The following LSM14A variants were observed in gnomAD, a reference collection of about 807,000 sequenced individuals.
LSM14A encodes LSM14A mRNA processing body assembly factor, also known as protein LSM14 homolog A.
LSM14A carries 14 observed loss-of-function variants against 52.4 expected under a neutral mutation model. The ratio of observed to expected loss-of-function variants is 0.27; its 90% CI spans 0.18 to 0.42. The LOEUF (loss-of-function observed/expected upper bound fraction) is 0.42. LSM14A is among the 10% of genes least tolerant of loss of function. LSM14A has a pLI of 1.00. For missense variants in LSM14A, 417 were observed against 581.8 expected (o/e 0.72, Z 2.91); for synonymous variants, 185 against 200.3 (o/e 0.92, Z 0.64).
At position 34,227,702 on chromosome 19, in the gene LSM14A, GTTT is replaced by G; in HGVS notation, c.*324_*326del. On this transcript the variant is annotated 3_prime_UTR_variant, in exon 10 of 10. Coordinates refer to ENST00000544216, the MANE Select transcript of LSM14A (RefSeq NM_015578.4). ...ACAAGTATTTTTTCATCACTGAAAG[GTTT>G]TTTTTTTTTATCACTAAATTGTATT... 8.8e-6 allele frequency: 2 copies of G among 226,860 alleles called. No individual in the cohort carries two copies. Among genetic ancestry groups the G allele is most frequent in the Non-Finnish European group, 1.7e-5 (2 of 120,176 alleles). 14.1% of individuals were successfully genotyped at this position (226,860 alleles called of 1,614,324 possible).
At chr19:34,181,596 T>C (rs1313544792) in intron 1 of LSM14A, among the ~76,000 whole-genome samples, 1 of 152,164 alleles carries the variant, frequency 6.6e-6, no homozygotes, top group Admixed American at 6.5e-5. Flanking sequence ...GCCATTTTTT[T>C]CCTCATATCT....
rs1482324176 is a variant in LSM14A, at chr19:34,221,714, G to A, written c.1344G>A (p.Arg448=). The change falls in exon 9 of 10, where the codon CGG becomes CGA. Residue 448 remains arginine, a synonymous_variant. Coordinates refer to ENST00000544216, the MANE Select transcript of LSM14A (RefSeq NM_015578.4). ...GATTCAGAGGAGGTCGTGGGGGCCG[G>A]GAGTTTGCGGATTTTGAATATAGGG... ...RGGFRGGRGG[R]EFADFEYRKD... The A allele has an allele frequency of 6.2e-7, 1 of 1,613,172 alleles. No homozygotes were observed. The highest frequency in any genetic ancestry group is 1.1e-5 in the South Asian group (1 of 91,058).
At chr19:34,181,201 T>C (rs1189201080) in intron 1 of LSM14A, among the ~76,000 whole-genome samples, 1 of 152,222 alleles carries the variant, frequency 6.6e-6, no homozygotes, top group African/African-American at 2.4e-5. Context: ...AGCAGTTCTC[T>C]ACTCTCCTCA....
In LSM14A at chr19:34,215,221, T is replaced by C. The variant is rs2072485544; in HGVS notation, c.636T>C (p.Val212=). 6.2e-6 allele frequency: 10 copies of C among 1,614,064 alleles called. No individual in the cohort carries two copies. The highest frequency in any genetic ancestry group is 8.5e-6 in the Non-Finnish European group (10 of 1,180,032). Residue 212 remains valine, a synonymous_variant, in exon 5 of 10, where the codon GTT becomes GTC. Coordinates refer to ENST00000544216, the MANE Select transcript of LSM14A (RefSeq NM_015578.4). ...ASAHLPAPAA[V]GRRSPVSTRP... Reference sequence around the variant, plus strand: ...CCCACTTACCTGCTCCAGCAGCTGTTGGGAGAAGGAGTCCTGTATCAACCA... The same window carrying C: ...CCCACTTACCTGCTCCAGCAGCTGTCGGGAGAAGGAGTCCTGTATCAACCA...
chr19:34,191,109 A>G (rs2070348402), intron 1 of LSM14A, among the ~76,000 whole-genome samples: 1 of 151,920 alleles, frequency 6.6e-6, no homozygotes, highest in Middle Eastern at 3.4e-3. Flanking sequence ...CCTTTTCTCA[A>G]AATTATTCTC....
chr19:34,202,126 GTT>G (rs113903997), intron 3 of LSM14A, among the ~76,000 whole-genome samples: 37 of 119,550 alleles, frequency 3.1e-4, no homozygotes, highest in African/African-American at 8.2e-4. Flanking sequence ...TTTTTAGTAA[GTT>G]TTTTTTTTTT....
At chr19:34,226,423 G>A in intron 9 of LSM14A, 1 of 1,387,852 alleles carries the variant, frequency 7.2e-7, no homozygotes, top group Non-Finnish European at 9.5e-7. Flanking sequence ...CACAGCTTTT[G>A]GACCCTAAAA....
chr19:34,206,185 G>A (rs2071683135), intron 3 of LSM14A, among the ~76,000 whole-genome samples: 1 of 152,144 alleles, frequency 6.6e-6, no homozygotes. Context: ...ATTTAGGGAA[G>A]AAATAATTTT....
In LSM14A at chr19:34,194,461, C is replaced by T. The variant is rs1477428825; in HGVS notation, c.122-17C>T. The T allele has an allele frequency of 1.2e-6, 2 of 1,612,802 alleles. No individual in the cohort carries two copies. Among genetic ancestry groups the T allele is most frequent in the South Asian group, 1.1e-5 (1 of 91,004 alleles). ...GATGAGTAGTCACACATCTCATATCCTTTGTTTTCTTGCCAGTTCGATCCT... is the reference window on the plus strand; with the variant it reads ...GATGAGTAGTCACACATCTCATATCTTTTGTTTTCTTGCCAGTTCGATCCT... On this transcript the variant is annotated splice_polypyrimidine_tract_variant and intron_variant, in intron 1 of 9. Coordinates refer to ENST00000544216, the MANE Select transcript of LSM14A (RefSeq NM_015578.4).
intron 1 of LSM14A, among the ~76,000 whole-genome samples, chr19:34,183,538 G>A (rs763227308): frequency 5.3e-5 from 8 of 151,750 alleles, no homozygotes; most frequent in African/African-American, 1.2e-4. Context: ...GTGACAGAGC[G>A]AGTTCGTCTC....
At chr19:34,174,565 T>C (rs2068949771) in intron 1 of LSM14A, among the ~76,000 whole-genome samples, 1 of 152,230 alleles carries the variant, frequency 6.6e-6, no homozygotes, top group African/African-American at 2.4e-5. Flanking sequence ...GGATGTATGA[T>C]GGATGGTATT....
At chr19:34,180,337 C>A (rs1453979869) in intron 1 of LSM14A, among the ~76,000 whole-genome samples, 1 of 152,100 alleles carries the variant, frequency 6.6e-6, no homozygotes, top group Non-Finnish European at 1.5e-5. Flanking sequence ...GAAGAAAATG[C>A]GACCCAAAAT....
intron 1 of LSM14A, 139 bp from the exon 2 acceptor site, chr19:34,194,339 T>C (rs1408421389): frequency 3.7e-6 from 3 of 815,398 alleles, no homozygotes; most frequent in Non-Finnish European, 5.7e-6. Context: ...AAAAAACTTT[T>C]TTAGCTATAG....
chr19:34,226,063 A>G (rs574817343), intron 9 of LSM14A, among the ~76,000 whole-genome samples: 7 of 151,776 alleles, frequency 4.6e-5, no homozygotes, highest in Non-Finnish European at 7.4e-5. Flanking sequence ...CCTGTCTCAA[A>G]AAAAAAAAAG....
chr19:34,175,799 C>T (rs1353345821), intron 1 of LSM14A, among the ~76,000 whole-genome samples: 1 of 151,976 alleles, frequency 6.6e-6, no homozygotes, highest in Non-Finnish European at 1.5e-5. Flanking sequence ...AAAATTTGAA[C>T]GAAGAATGGT....
chr19:34,182,343 T>C (rs1170755642), intron 1 of LSM14A, among the ~76,000 whole-genome samples: 1 of 152,228 alleles, frequency 6.6e-6, no homozygotes, highest in African/African-American at 2.4e-5. Context: ...TTGAAGTTAC[T>C]GCTTTTTGTT....
rs765134611 is a variant in LSM14A, at chr19:34,215,115, A to G, written c.539-9A>G. The G allele has an allele frequency of 6.3e-7, 1 of 1,593,078 alleles. No individual in the cohort carries two copies. Among genetic ancestry groups the G allele is most frequent in the Non-Finnish European group, 8.5e-7 (1 of 1,172,712 alleles). On this transcript the variant is annotated splice_polypyrimidine_tract_variant and intron_variant, in intron 4 of 9. Coordinates refer to ENST00000544216, the MANE Select transcript of LSM14A (RefSeq NM_015578.4). Reference sequence around the variant, plus strand: ...TAGGGTAGTTTGTTATCTTTTGGTTACATTTTAGGTCGCTCAAGCCCTCAG... The same window carrying G: ...TAGGGTAGTTTGTTATCTTTTGGTTGCATTTTAGGTCGCTCAAGCCCTCAG...
At chr19:34,201,259 AGT>A (rs1386890692) in intron 3 of LSM14A, among the ~76,000 whole-genome samples, 4 of 152,208 alleles carry the variant, frequency 2.6e-5, no homozygotes, top group African/African-American at 7.2e-5. Context: ...TTAGAAAACT[AGT>A]GTTAGAAGTT....
chr19:34,201,305 T>G (rs2071268356), intron 3 of LSM14A, among the ~76,000 whole-genome samples: 1 of 152,178 alleles, frequency 6.6e-6, no homozygotes, highest in Non-Finnish European at 1.5e-5. Context: ...GTGGCATTGG[T>G]CAAGGTGACA....
Sources: gnomAD v4.1 joint callset for allele counts (sites outside exome capture counted in the v4.1 genomes callset) on GRCh38, gnomAD v4.1.1 for gene constraint, MANE v1.5 for transcripts, NCBI Gene and HGNC (gene_info 2026-07-23, HGNC 2026-07-21) for gene names.